The following NDEL1 variants were observed in gnomAD, a reference collection of about 807,000 sequenced individuals.
The protein encoded by NDEL1 is nuclear distribution protein nudE-like 1.
In NDEL1, 9 loss-of-function variants were observed where a neutral mutation model predicts 45.7. That is an observed-to-expected ratio of 0.20 (90% CI 0.12 to 0.34). The LOEUF is 0.34. Ranked by LOEUF, NDEL1 falls within the 10% of genes least tolerant of loss-of-function variation. The probability of loss-of-function intolerance (pLI) is 1.00; values close to 1 mark genes in which losing one functional copy is unlikely to be tolerated. For synonymous variants in NDEL1, 133 were observed against 158.6 expected (o/e 0.84, Z 1.21); for missense variants, 306 against 406.2 (o/e 0.75, Z 2.12).
upstream of NDEL1, chr17:8,431,062 G>T (rs990402425): frequency 5.9e-5 from 9 of 152,280 alleles, no homozygotes; most frequent in African/African-American, 2.2e-4. Flanking sequence ...GCGTGGGAGG[G>T]GTGGCAGCTT....
chr17:8,438,239 G>A (rs1232137800), intron 1 of NDEL1, among the ~76,000 whole-genome samples: 2 of 152,172 alleles, frequency 1.3e-5, no homozygotes, highest in Non-Finnish European at 2.9e-5. Flanking sequence ...TTACAGGCGT[G>A]AGCCACCGTG....
intron 1 of NDEL1, among the ~76,000 whole-genome samples, chr17:8,414,452 G>A (rs1408549092): frequency 6.6e-6 from 1 of 152,140 alleles, no homozygotes; most frequent in Non-Finnish European, 1.5e-5. Flanking sequence ...CGGATCATGA[G>A]GTCAGGATAT....
At chr17:8,461,912 G>A (rs997767169) in intron 8 of NDEL1, among the ~76,000 whole-genome samples, 39 of 152,208 alleles carry the variant, frequency 2.6e-4, no homozygotes, top group African/African-American at 7.9e-4. Flanking sequence ...GTGCCTGTGC[G>A]TGTGGAAGCC....
intron 1 of NDEL1, among the ~76,000 whole-genome samples, chr17:8,423,356 A>G (rs973924710): frequency 6.6e-6 from 1 of 152,086 alleles, no homozygotes; most frequent in Non-Finnish European, 1.5e-5. Flanking sequence ...TAGGGCAGAA[A>G]CTTACACTGG....
At chr17:8,449,344 G>A (rs914118927) in intron 5 of NDEL1, among the ~76,000 whole-genome samples, 2 of 152,148 alleles carry the variant, frequency 1.3e-5, no homozygotes, top group African/African-American at 4.8e-5. Flanking sequence ...GGCCAGGCTG[G>A]TTTTGAACCC....
intron 7 of NDEL1, among the ~76,000 whole-genome samples, chr17:8,457,120 G>T (rs1910895693): frequency 6.6e-6 from 1 of 152,184 alleles, no homozygotes; most frequent in Non-Finnish European, 1.5e-5. Flanking sequence ...GTAGCTGACT[G>T]TACGCTGCTT....
chr17:8,442,385 T>C (rs1909794058), intron 1 of NDEL1, among the ~76,000 whole-genome samples: 1 of 151,984 alleles, frequency 6.6e-6, no homozygotes, highest in African/African-American at 2.4e-5. Context: ...CAAGAGGGAA[T>C]ATTGAAAGGA....
At chr17:8,440,462 T>C (rs1269689271) in intron 1 of NDEL1, among the ~76,000 whole-genome samples, 1 of 150,084 alleles carries the variant, frequency 6.7e-6, no homozygotes, top group Non-Finnish European at 1.5e-5. Context: ...TGCAGTGAAC[T>C]AGGATTGTGC....
upstream of NDEL1, among the ~76,000 whole-genome samples, chr17:8,434,309 C>T (rs543058386): frequency 5.6e-4 from 85 of 152,244 alleles, no homozygotes; most frequent in Non-Finnish European, 1.3e-4. Context: ...CTCCGCCTCC[C>T]GGGTTCGAGC....
At chr17:8,468,568 C>G (rs577465571), downstream of NDEL1, among the ~76,000 whole-genome samples, 2 of 152,324 alleles carry the variant, frequency 1.3e-5, no homozygotes, top group South Asian at 4.1e-4. Flanking sequence ...TTCTCCTCAT[C>G]CCTCAGGTTA....
At chr17:8,443,508 G>A (rs1325240649) in intron 1 of NDEL1, among the ~76,000 whole-genome samples, 1 of 152,176 alleles carries the variant, frequency 6.6e-6, no homozygotes, top group Non-Finnish European at 1.5e-5. Context: ...CCAGAATATA[G>A]AGTGGGATGC....
At chr17:8,461,338 A>AT (rs1338603369) in intron 8 of NDEL1, 3 of 152,200 alleles carry the variant, frequency 2.0e-5, no homozygotes, top group Admixed American at 2.0e-4. Context: ...TTCATTAAGG[A>AT]TTTTGTATTA....
intron 1 of NDEL1, among the ~76,000 whole-genome samples, chr17:8,429,361 G>T (rs1395127161): frequency 6.6e-6 from 1 of 152,224 alleles, no homozygotes; most frequent in Non-Finnish European, 1.5e-5. Flanking sequence ...CCTACACTCA[G>T]TGAGTTTTGG....
intron 1 of NDEL1, among the ~76,000 whole-genome samples, chr17:8,443,763 A>G (rs1909908319): frequency 6.6e-6 from 1 of 152,114 alleles, no homozygotes; most frequent in Non-Finnish European, 1.5e-5. Context: ...GAGATTTGAT[A>G]ATAGTAAATT....
chr17:8,417,836 T>C (rs549405203), intron 1 of NDEL1, among the ~76,000 whole-genome samples: 2 of 152,350 alleles, frequency 1.3e-5, no homozygotes, highest in South Asian at 2.1e-4. Flanking sequence ...TCTGGAGCTA[T>C]TCTGGTTTAG....
chr17:8,448,836 G>A (rs1398968889), intron 5 of NDEL1, 150 bp downstream of exon 5: 1 of 836,902 alleles, frequency 1.2e-6, no homozygotes, highest in Non-Finnish European at 1.8e-6. Context: ...ATGGAGGGCT[G>A]ACTTTTCATA....
At chr17:8,425,162 T>C (rs1908801099) in intron 1 of NDEL1, among the ~76,000 whole-genome samples, 1 of 152,274 alleles carries the variant, frequency 6.6e-6, no homozygotes, top group Non-Finnish European at 1.5e-5. Context: ...ACTTTGAATG[T>C]GTTTGATTAG....
upstream of NDEL1, among the ~76,000 whole-genome samples, chr17:8,432,351 TAAATATA>T (rs1275752460): frequency 2.5e-5 from 3 of 121,396 alleles, no homozygotes; most frequent in Non-Finnish European, 5.0e-5. Context: ...TATATAAATA[TAAATATA>T]AATATATATA....
At chr17:8,445,908 A>G (rs1370527377) in intron 3 of NDEL1, 44 bp downstream of exon 3, 4 of 1,374,378 alleles carry the variant, frequency 2.9e-6, no homozygotes, top group Non-Finnish European at 3.8e-6. Context: ...GTTGAGTTTT[A>G]TTAAAATGAG....
Sources: gnomAD v4.1 joint callset for allele counts (sites outside exome capture counted in the v4.1 genomes callset) on GRCh38, gnomAD v4.1.1 for gene constraint, MANE v1.5 for transcripts, NCBI Gene and HGNC (gene_info 2026-07-23, HGNC 2026-07-21) for gene names.